The following COL4A6 variants were observed in gnomAD, a reference collection of about 807,000 sequenced individuals.
The protein encoded by COL4A6 is collagen alpha-6(IV) chain.
A neutral mutation model predicts 126.7 loss-of-function variants in COL4A6; 59 were observed. The ratio of observed to expected loss-of-function variants is 0.47; its 90% confidence interval spans 0.38 to 0.58. The LOEUF is 0.58. Among genes scored for constraint, COL4A6 ranks in the 20% least tolerant of loss-of-function variants. The pLI, the probability that COL4A6 is intolerant of heterozygous loss-of-function variation, is 0.00. For synonymous variants in COL4A6, 547 were observed against 496.6 expected (o/e 1.10, Z -1.35); for missense variants, 1,285 against 1,337.3 (o/e 0.96, Z 0.61).
chrX:108,295,292 C>G (rs767660698), intron 3 of COL4A6, among the ~76,000 whole-genome samples: 1 of 111,961 alleles, frequency 8.9e-6, no homozygotes, highest in Non-Finnish European at 1.9e-5. Context: ...CCCCCTTGGG[C>G]TCTATCAACA....
chrX:108,336,811 C>G (rs1481408294), intron 2 of COL4A6, among the ~76,000 whole-genome samples: 1 of 111,035 alleles, frequency 9.0e-6, no homozygotes, highest in African/African-American at 3.3e-5. Flanking sequence ...AACACATAAG[C>G]AGAGCTTTGT....
At chrX:108,325,808 GAA>G (rs371208045) in intron 2 of COL4A6, among the ~76,000 whole-genome samples, 1 of 74,500 alleles carries the variant, frequency 1.3e-5, no homozygotes, top group East Asian at 4.3e-4. Context: ...AGACCAAAAA[GAA>G]AAAAAAAAAA....
chrX:108,229,555 A>C (rs2036254482), intron 3 of COL4A6, among the ~76,000 whole-genome samples: 1 of 112,235 alleles, frequency 8.9e-6, no homozygotes, highest in Admixed American at 9.4e-5. Flanking sequence ...GGTGGTACTG[A>C]CTCTACAGGA....
chrX:108,159,921 G>A, intron 43 of COL4A6, 173 bp from the exon 44 acceptor site: 1 of 534,864 alleles, frequency 1.9e-6, no homozygotes, highest in Admixed American at 2.7e-5. Flanking sequence ...TATTTTAAAT[G>A]CACCAGGGAA....
At chrX:108,219,816 G>A in intron 4 of COL4A6, 74 bp from the exon 5 acceptor site, 1 of 861,647 alleles carries the variant, frequency 1.2e-6, no homozygotes, top group Admixed American at 2.3e-5. Flanking sequence ...AGGTTTATGA[G>A]AGTCAATGGC....
At chrX:108,311,095 C>G (rs994743846) in intron 2 of COL4A6, among the ~76,000 whole-genome samples, 2 of 112,152 alleles carry the variant, frequency 1.8e-5, no homozygotes, top group Non-Finnish European at 3.8e-5. Flanking sequence ...CAATATACAA[C>G]AGAATATCTT....
At chrX:108,305,757 A>G (rs937103779) in intron 3 of COL4A6, among the ~76,000 whole-genome samples, 2 of 111,768 alleles carry the variant, frequency 1.8e-5, no homozygotes, top group African/African-American at 6.6e-5. Flanking sequence ...CATGACTCCC[A>G]GTTTTCTGGC....
rs763625829 is a variant in COL4A6, at chrX:108,332,909, C to T, written c.64-22081G>A. ...TGAGGATTAGTAATAAATTTTTCTC[C>T]TAGGCCAATGTTCAGAAGTATTTTT... On this transcript the variant is annotated intron_variant, in intron 2 of 44. Coordinates refer to ENST00000334504, the MANE Select transcript of COL4A6 (RefSeq NM_033641.4). Among the ~76,000 whole-genome samples the T allele has an allele frequency of 4.5e-5, 5 of 110,547 alleles. No homozygotes were observed. The South Asian group carries it at 1.1e-3, about 25-fold the overall frequency.
At chrX:108,409,849 ATGAC>A (rs2041291346) in intron 2 of COL4A6, among the ~76,000 whole-genome samples, 1 of 111,237 alleles carries the variant, frequency 9.0e-6, no homozygotes, top group African/African-American at 3.3e-5. Context: ...TTTTCATTGA[ATGAC>A]TGAGTAGTGA....
chrX:108,327,941 G>C (rs1421884468), intron 2 of COL4A6, among the ~76,000 whole-genome samples: 2 of 111,139 alleles, frequency 1.8e-5, no homozygotes, highest in Non-Finnish European at 3.8e-5. Context: ...AATGAAATTT[G>C]TAAAATATTT....
chrX:108,174,988 C>T (rs2034433194), intron 30 of COL4A6, 102 bp downstream of exon 30: 10 of 1,000,260 alleles, frequency 1.0e-5, no homozygotes, highest in Admixed American at 3.5e-5. Context: ...CTGAGGTTGG[C>T]GATGGGGGGC....
chrX:108,184,617 A>G (rs1361076093), intron 23 of COL4A6, among the ~76,000 whole-genome samples: 1 of 112,250 alleles, frequency 8.9e-6, no homozygotes, highest in Non-Finnish European at 1.9e-5. Context: ...GGGCTGCCCA[A>G]TCTTGGACTT....
intron 2 of COL4A6, among the ~76,000 whole-genome samples, chrX:108,320,712 T>C (rs776185471): frequency 2.7e-5 from 3 of 112,276 alleles, no homozygotes; most frequent in Admixed American, 9.4e-5. Flanking sequence ...AAATTTGTCT[T>C]GAATTAGCAC....
At chrX:108,197,550 A>T (rs1272921608) in intron 13 of COL4A6, among the ~76,000 whole-genome samples, 1 of 111,834 alleles carries the variant, frequency 8.9e-6, no homozygotes, top group Non-Finnish European at 1.9e-5. Context: ...GTTGTGGAAC[A>T]TCTGTTGTCC....
intron 25 of COL4A6, among the ~76,000 whole-genome samples, chrX:108,179,889 T>C (rs1374082640): frequency 1.9e-5 from 2 of 107,626 alleles, no homozygotes; most frequent in African/African-American, 6.8e-5. Flanking sequence ...TGAGCAAGCA[T>C]CACAATCACC....
chrX:108,279,979 G>A (rs965121930), intron 3 of COL4A6, among the ~76,000 whole-genome samples: 7 of 110,884 alleles, frequency 6.3e-5, no homozygotes, highest in Non-Finnish European at 1.3e-4. Flanking sequence ...GAATCTCTGG[G>A]ACACATTCAA....
At chrX:108,281,249 T>A (rs1420941362) in intron 3 of COL4A6, among the ~76,000 whole-genome samples, 1 of 92,820 alleles carries the variant, frequency 1.1e-5, no homozygotes, top group Non-Finnish European at 2.1e-5. Flanking sequence ...GAAAACCCCA[T>A]TGTCTCAGCC....
At chrX:108,230,983 T>C (rs2036289866) in intron 3 of COL4A6, among the ~76,000 whole-genome samples, 1 of 112,004 alleles carries the variant, frequency 8.9e-6, no homozygotes, top group South Asian at 3.7e-4. Flanking sequence ...CATGCAGATA[T>C]AGAGACCTAT....
chrX:108,170,853 T>A lies in COL4A6; in HGVS notation c.3342A>T (p.Gly1114=). The change falls in exon 34 of 45, where the codon GGA becomes GGT. Residue 1114 remains glycine, a synonymous_variant. Coordinates refer to ENST00000334504, the MANE Select transcript of COL4A6 (RefSeq NM_033641.4). ...CAACATCTCCAGAAACACCAACTTT[T>A]CCATCTTCACCTTTGTTTCCAGGGA... ...IGFPGNKGED[G]KVGVSGDVGL... is the part of the protein sequence containing the mutation. 1.6e-6 allele frequency: 2 copies of A among 1,212,476 alleles called. No homozygotes were observed. Among genetic ancestry groups the A allele is most frequent in the Non-Finnish European group, 2.2e-6 (2 of 895,639 alleles).
Sources: allele counts gnomAD v4.1 joint callset (sites outside exome capture counted in the v4.1 genomes callset), GRCh38; gene constraint gnomAD v4.1.1; transcripts MANE v1.5; gene names NCBI Gene and HGNC (gene_info 2026-07-23, HGNC 2026-07-21).